NME9: variants seen among roughly 807,000 people sequenced by gnomAD.
NME9 encodes thioredoxin domain-containing protein 6.
NME9 carries 48 observed loss-of-function variants against 44.4 expected under a neutral mutation model. The ratio of observed to expected loss-of-function variants is 1.08; its 90% CI spans 0.86 to 1.37. NME9 has a LOEUF of 1.37. Ranked by LOEUF, NME9 falls within the 40% of genes most tolerant of loss-of-function variation. NME9 has a pLI of 0.00. For missense variants in NME9, 325 were observed against 405.2 expected (o/e 0.80, Z 1.70); for synonymous variants, 139 against 147.1 (o/e 0.94, Z 0.40).
At chr3:138,305,081 G>A in intron 8 of NME9, 54 bp from the exon 9 acceptor site, 3 of 1,515,440 alleles carry the variant, frequency 2.0e-6, no homozygotes, top group Non-Finnish European at 2.7e-6. Flanking sequence ...AGGGCCTGCA[G>A]AGGATCAGCG....
intron 8 of NME9, among the ~76,000 whole-genome samples, chr3:138,305,414 A>G (rs916858419): frequency 2.0e-4 from 30 of 152,152 alleles, no homozygotes; most frequent in African/African-American, 7.0e-4. Flanking sequence ...TTTCCATGCA[A>G]TGCCTCACAA....
chr3:138,289,222 C>T, intron 8 of NME9: 3 of 876,646 alleles, frequency 3.4e-6, no homozygotes, highest in Non-Finnish European at 5.4e-6. Context: ...AGGCTCTGTT[C>T]TTGGACCATC....
chr3:138,264,068 C>G (rs1467438521), intron 8 of NME9: 1 of 1,455,120 alleles, frequency 6.9e-7, no homozygotes, highest in African/African-American at 1.4e-5. Flanking sequence ...AAATGCCAGC[C>G]AGTTTGTTTG....
chr3:138,318,472 A>C (rs2053247592), intron 3 of NME9, among the ~76,000 whole-genome samples: 1 of 151,888 alleles, frequency 6.6e-6, no homozygotes. Flanking sequence ...AGTCCAAGGG[A>C]GCGTTACTGG....
At chr3:138,288,485 T>C (rs980701036) in intron 8 of NME9, among the ~76,000 whole-genome samples, 4 of 152,216 alleles carry the variant, frequency 2.6e-5, no homozygotes, top group Non-Finnish European at 5.9e-5. Flanking sequence ...GTTTTTTAAA[T>C]TTGAATTTGC....
chr3:138,275,347 G>T (rs957242991), intron 8 of NME9, among the ~76,000 whole-genome samples: 3 of 152,098 alleles, frequency 2.0e-5, no homozygotes, highest in Non-Finnish European at 4.4e-5. Context: ...CACGAGGTCA[G>T]GAGATCGAGA....
At chr3:138,266,442 G>C (rs547688356) in intron 8 of NME9, among the ~76,000 whole-genome samples, 1 of 152,230 alleles carries the variant, frequency 6.6e-6, no homozygotes, top group Admixed American at 6.5e-5. Flanking sequence ...TTTTATAGTT[G>C]AGGAATTCAT....
intron 6 of NME9, among the ~76,000 whole-genome samples, chr3:138,311,729 A>G (rs2052717678): frequency 6.6e-6 from 1 of 152,192 alleles, no homozygotes; most frequent in Non-Finnish European, 1.5e-5. Flanking sequence ...TGGGTATAGA[A>G]GGAACATACC....
intron 8 of NME9, among the ~76,000 whole-genome samples, chr3:138,273,675 A>T (rs1241920291): frequency 2.0e-5 from 3 of 152,330 alleles, no homozygotes; most frequent in East Asian, 1.9e-4. Flanking sequence ...CTTCAGGTAG[A>T]TGAGGAAATA....
chr3:138,320,140 C>A (rs920017772), intron 2 of NME9, among the ~76,000 whole-genome samples: 3 of 152,142 alleles, frequency 2.0e-5, no homozygotes, highest in Non-Finnish European at 4.4e-5. Context: ...AACTTGGATA[C>A]CTTTTTCTTC....
At chr3:138,321,915 C>T (rs1358854612) in intron 2 of NME9, among the ~76,000 whole-genome samples, 1 of 151,502 alleles carries the variant, frequency 6.6e-6, no homozygotes, top group Non-Finnish European at 1.5e-5. Flanking sequence ...GTTTTCAGTA[C>T]CAACCAGAAA....
At chr3:138,268,184 A>C (rs2048455555) in intron 8 of NME9, among the ~76,000 whole-genome samples, 1 of 152,168 alleles carries the variant, frequency 6.6e-6, no homozygotes, top group African/African-American at 2.4e-5. Context: ...CAAAGGTTGC[A>C]GTGAGCTGAG....
Position 138,315,521 on chromosome 3 carries a change from A to G in NME9, c.384+6T>C, listed in dbSNP as rs1339707526. 1 of 1,532,214 alleles carries G rather than the reference A, an allele frequency of 6.5e-7. No homozygotes were observed. The highest frequency in any genetic ancestry group is 2.4e-5 in the East Asian group (1 of 40,888). The allele number at this position is 1,532,214 out of a possible 1,614,324, so 94.9% of individuals were successfully genotyped here. On this transcript the variant is annotated splice_donor_region_variant and intron_variant, in intron 5 of 10. Transcript: ENST00000333911. ...TTAGCTGCTTATAGAAGTGACCTCC[A>G]GTTACCACTTTCCGTTCTCTGCCTT... is the stretch of plus-strand genomic sequence containing the variant.
intron 1 of NME9, among the ~76,000 whole-genome samples, chr3:138,327,659 G>C (rs2053879477): frequency 6.6e-6 from 1 of 152,128 alleles, no homozygotes; most frequent in South Asian, 2.1e-4. Context: ...GAGAGGACAA[G>C]GTTCCTGGGT....
At position 138,279,540 on chromosome 3, in the gene NME9, G is replaced by T. The variant is rs147228803; in HGVS notation, c.746-16954C>A. On this transcript the variant is annotated intron_variant, in intron 8 of 8. Coordinates refer to the NME9 transcript ENST00000317876. ...TGTCTTTTTCTGGTTTTGGTATTGG[G>T]ATAATGCTGGCCTTGGGGAATGAGG... is the stretch of plus-strand genomic sequence containing the variant. Among the ~76,000 whole-genome samples the T allele has an allele frequency of 9.5e-4, 145 of 152,222 alleles. 1 individual carries two copies. The highest frequency in any genetic ancestry group is 1.8e-3 in the Non-Finnish European group (121 of 68,000).
rs2048108931 is a variant in NME9 at position 138,264,718 on chromosome 3, A to G, written c.746-2132T>C. Among the ~76,000 whole-genome samples, 4 of 151,724 alleles carry G rather than the reference A, an allele frequency of 2.6e-5. No individual in the cohort carries two copies. The Middle Eastern group carries it at 0.01, about 392-fold the overall frequency. ...CAGGCATGAGCCACTGCGCCCAGCC[A>G]GGCCTGATTTTCTTTTATTAACTAA... On this transcript the variant is annotated intron_variant, in intron 8 of 8. Coordinates refer to the NME9 transcript ENST00000317876.
Position 138,329,598 on chromosome 3 carries a change from C to G in NME9, c.-263G>C, listed in dbSNP as rs773277002. The G allele has an allele frequency of 4.1e-4, 543 of 1,318,772 alleles. No homozygotes were observed. Among genetic ancestry groups the G allele is most frequent in the Non-Finnish European group, 5.1e-4 (528 of 1,036,410 alleles). 81.7% of individuals were successfully genotyped at this position (1,318,772 alleles called of 1,614,324 possible). Reference sequence around the variant, plus strand: ...GCGGTTTTCTGGGGATCTGCGAAGCCCCCTCCCCACCCCGGAGCCGGCCAG... The same window carrying G: ...GCGGTTTTCTGGGGATCTGCGAAGCGCCCTCCCCACCCCGGAGCCGGCCAG... On this transcript the variant is annotated 5_prime_UTR_variant, in exon 1 of 11. Transcript: ENST00000333911.
intron 8 of NME9, chr3:138,269,907 T>A: frequency 3.8e-6 from 1 of 265,010 alleles, no homozygotes; most frequent in Non-Finnish European, 7.5e-6. Context: ...GCTACATCAC[T>A]CCCTGCTTTG....
intron 8 of NME9, among the ~76,000 whole-genome samples, chr3:138,277,656 A>C (rs552273442): frequency 1.3e-5 from 2 of 152,370 alleles, no homozygotes; most frequent in African/African-American, 2.4e-5. Context: ...AAAACAGTAC[A>C]GTTGCTAGCA....
Sources: allele counts gnomAD v4.1 joint callset (sites outside exome capture counted in the v4.1 genomes callset), GRCh38; gene constraint gnomAD v4.1.1; transcripts MANE v1.5; gene names NCBI Gene and HGNC (gene_info 2026-07-23, HGNC 2026-07-21).